The following CRPPA variants were observed in gnomAD, a reference collection of about 807,000 sequenced individuals.
The protein encoded by CRPPA is D-ribitol-5-phosphate cytidylyltransferase.
Under a neutral mutation model 52.0 loss-of-function variants are expected in CRPPA, and 43 were observed. The observed-to-expected ratio is 0.83, with a 90% CI of 0.65 to 1.07. The LOEUF is 1.07. Ranked by LOEUF, CRPPA falls within the 50% of genes least tolerant of loss-of-function variation. The probability of loss-of-function intolerance (pLI) is 0.00; values close to 1 mark genes in which losing one functional copy is unlikely to be tolerated. For synonymous variants in CRPPA, 250 were observed against 203.5 expected (o/e 1.23, Z -1.94); for missense variants, 629 against 551.7 (o/e 1.14, Z -1.40).
intron 8 of CRPPA, among the ~76,000 whole-genome samples, chr7:16,219,280 C>A (rs868300498): frequency 6.7e-6 from 1 of 149,788 alleles, no homozygotes; most frequent in East Asian, 2.0e-4. Context: ...ATCTCTGGGA[C>A]GCATTCAAAG....
At chr7:16,274,642 A>C (rs887522567) in intron 6 of CRPPA, among the ~76,000 whole-genome samples, 1 of 152,204 alleles carries the variant, frequency 6.6e-6, no homozygotes, top group African/African-American at 2.4e-5. Flanking sequence ...TTACTTTTGA[A>C]TATATGAATA....
intron 3 of CRPPA, among the ~76,000 whole-genome samples, chr7:16,345,211 C>G (rs1331750823): frequency 6.6e-6 from 1 of 152,062 alleles, no homozygotes; most frequent in East Asian, 1.9e-4. Context: ...GTTCAAAGAG[C>G]TAAAAGATAA....
rs563646341 is a variant in CRPPA, at chr7:16,367,047, A to C, written c.684+9045T>G. On this transcript the variant is annotated intron_variant, in intron 3 of 9. Transcript: ENST00000407010. ...AACAAGTCAGCTCTTTCTGACTCAA[A>C]GCTTCATCTTTAAATCCCTACTCAT... 1.6e-4 allele frequency among the ~76,000 whole-genome samples: 25 copies of C among 152,270 alleles called. No homozygotes were observed. In the South Asian group the frequency reaches 5.2e-3, roughly 32 times the overall value.
chr7:16,207,990 A>G (rs758324889), intron 9 of CRPPA, among the ~76,000 whole-genome samples: 1 of 152,148 alleles, frequency 6.6e-6, no homozygotes, highest in Non-Finnish European at 1.5e-5. Flanking sequence ...TCCCCTGGAA[A>G]TACCTTTCTA....
chr7:16,203,084 G>A (rs1781894044), intron 9 of CRPPA, among the ~76,000 whole-genome samples: 1 of 152,110 alleles, frequency 6.6e-6, no homozygotes, highest in Non-Finnish European at 1.5e-5. Flanking sequence ...TTATCTAGCT[G>A]CGCTTTAAGG....
chr7:16,117,759 G>C (rs757433707), intron 9 of CRPPA, among the ~76,000 whole-genome samples: 1 of 152,108 alleles, frequency 6.6e-6, no homozygotes, highest in Non-Finnish European at 1.5e-5. Context: ...TGTAAGAAAG[G>C]CCTCACGTGT....
intron 8 of CRPPA, among the ~76,000 whole-genome samples, chr7:16,254,757 G>A (rs62440437): frequency 1.5e-5 from 2 of 134,004 alleles, no homozygotes; most frequent in African/African-American, 5.4e-5. Flanking sequence ...CAGAAAGAAA[G>A]AAAGACAGAC....
In CRPPA at chr7:16,123,927, C is replaced by G. The variant is rs77660170; in HGVS notation, c.1252-32128G>C. On this transcript the variant is annotated intron_variant, in intron 9 of 9. Transcript: ENST00000407010. ...GCTACTCATCGCTTTTCAAAACCCACTCAGACATCCATATTGACATTTAAA... is the reference window on the plus strand; with the variant it reads ...GCTACTCATCGCTTTTCAAAACCCAGTCAGACATCCATATTGACATTTAAA... 7.9e-5 allele frequency among the ~76,000 whole-genome samples: 12 copies of G among 152,260 alleles called. No homozygotes were observed. In the East Asian group the frequency reaches 1.2e-3, roughly 15 times the overall value.
intron 1 of CRPPA, among the ~76,000 whole-genome samples, chr7:16,410,292 T>G (rs995859154): frequency 1.3e-5 from 2 of 152,212 alleles, no homozygotes; most frequent in Non-Finnish European, 2.9e-5. Context: ...TGAAAGTGAT[T>G]CTGGAATAAG....
chr7:16,123,009 AAAG>A, intron 9 of CRPPA, among the ~76,000 whole-genome samples: 1 of 152,188 alleles, frequency 6.6e-6, no homozygotes, highest in South Asian at 2.1e-4. Flanking sequence ...GATTTGTTTA[AAAG>A]AATAGTAAAA....
At chr7:16,354,976 T>G (rs955725675) in intron 3 of CRPPA, among the ~76,000 whole-genome samples, 1 of 152,104 alleles carries the variant, frequency 6.6e-6, no homozygotes, top group Non-Finnish European at 1.5e-5. Context: ...CCAAATATAC[T>G]CCCAACTAAT....
chr7:16,096,164 A>C (rs185270919), intron 9 of CRPPA, among the ~76,000 whole-genome samples: 31 of 152,252 alleles, frequency 2.0e-4, no homozygotes, highest in Admixed American at 2.0e-3. Flanking sequence ...GCTAGAACAA[A>C]TTTCATATTC....
intron 9 of CRPPA, among the ~76,000 whole-genome samples, chr7:16,165,172 C>A (rs1781026566): frequency 6.6e-6 from 1 of 151,806 alleles, no homozygotes; most frequent in South Asian, 2.1e-4. Context: ...CTCTTCCATA[C>A]CTAAATTTAA....
Position 16,406,248 on chromosome 7 carries a change from C to G in CRPPA, c.347G>C (p.Arg116Pro), listed in dbSNP as rs748777770. The G allele has an allele frequency of 6.2e-7, 1 of 1,613,884 alleles. No individual in the cohort carries two copies. Among genetic ancestry groups the G allele is most frequent in the Non-Finnish European group, 8.5e-7 (1 of 1,179,850 alleles). ...CACTCCAGCTTCGACCAGTGAGATG[C>G]GTTTATGCTGATACTTCTGAATAAT... The part of the protein sequence containing the change: ...KSIIQKYQHK[R>P]ISLVEAGVTR... The change falls in exon 2 of 10, where the codon CGC becomes CCC. Residue 116 changes from arginine to proline, a missense_variant. Coordinates refer to ENST00000407010, the MANE Select transcript of CRPPA (RefSeq NM_001101426.4).
chr7:16,112,191 T>C (rs1166135912), intron 9 of CRPPA, among the ~76,000 whole-genome samples: 1 of 152,108 alleles, frequency 6.6e-6, no homozygotes, highest in African/African-American at 2.4e-5. Flanking sequence ...GGCATGTGCC[T>C]GTAATCTCAG....
intron 2 of CRPPA, among the ~76,000 whole-genome samples, chr7:16,380,013 C>T (rs1787032480): frequency 1.3e-5 from 2 of 151,566 alleles, no homozygotes; most frequent in Admixed American, 1.3e-4. Context: ...CTGGCCAGAA[C>T]TTCCAACACT....
intron 6 of CRPPA, chr7:16,277,034 T>G (rs1386463815): frequency 6.6e-6 from 1 of 152,186 alleles, no homozygotes; most frequent in Non-Finnish European, 1.5e-5. Context: ...TCAAATGCAT[T>G]GAAAACGTAC....
At chr7:16,395,917 C>G (rs1426473930) in intron 2 of CRPPA, among the ~76,000 whole-genome samples, 1 of 152,166 alleles carries the variant, frequency 6.6e-6, no homozygotes, top group Non-Finnish European at 1.5e-5. Context: ...AAAGCTTTTT[C>G]ACATAGTAGC....
intron 9 of CRPPA, among the ~76,000 whole-genome samples, chr7:16,130,669 G>A (rs1488396951): frequency 6.6e-6 from 1 of 152,172 alleles, no homozygotes; most frequent in Admixed American, 6.5e-5. Context: ...GGCAAGTAAT[G>A]AGTAATTAGT....
Sources: gnomAD v4.1 joint callset for allele counts (sites outside exome capture counted in the v4.1 genomes callset) on GRCh38, gnomAD v4.1.1 for gene constraint, MANE v1.5 for transcripts, NCBI Gene and HGNC (gene_info 2026-07-23, HGNC 2026-07-21) for gene names.